Variants in TRAPPC9 observed in about 807,000 individuals in gnomAD.
TRAPPC9 encodes the protein IKK2 binding protein.
TRAPPC9 carries 83 observed loss-of-function variants against 124.0 expected under a neutral mutation model. That is an observed-to-expected ratio of 0.67 (90% CI 0.56 to 0.80). The LOEUF is 0.80. Among genes scored for constraint, TRAPPC9 ranks in the 30% least tolerant of loss-of-function variants. TRAPPC9 has a pLI of 0.00. For synonymous variants in TRAPPC9, 638 were observed against 617.5 expected (o/e 1.03, Z -0.49); for missense variants, 1,302 against 1,508.3 (o/e 0.86, Z 2.27).
At chr8:140,064,412 C>G (rs531266226) in intron 17 of TRAPPC9, among the ~76,000 whole-genome samples, 3 of 152,128 alleles carry the variant, frequency 2.0e-5, no homozygotes, top group African/African-American at 7.2e-5. Context: ...CATTTTAAAA[C>G]GGATGAAATA....
intron 21 of TRAPPC9, among the ~76,000 whole-genome samples, chr8:139,839,122 A>C (rs1245138583): frequency 1.3e-5 from 2 of 152,230 alleles, no homozygotes; most frequent in Non-Finnish European, 2.9e-5. Flanking sequence ...TAACCCTCCC[A>C]GGTCTGACTG....
intron 19 of TRAPPC9, among the ~76,000 whole-genome samples, chr8:139,913,351 G>C (rs1831878181): frequency 6.6e-6 from 1 of 152,220 alleles, no homozygotes; most frequent in Non-Finnish European, 1.5e-5. Flanking sequence ...GCCAAGCTCT[G>C]CTTCATGTTA....
chr8:140,456,503 T>C (rs894266017), intron 1 of TRAPPC9, among the ~76,000 whole-genome samples: 2 of 152,200 alleles, frequency 1.3e-5, no homozygotes, highest in African/African-American at 4.8e-5. Flanking sequence ...AGCTGTTATT[T>C]TTGACACACT....
intron 21 of TRAPPC9, among the ~76,000 whole-genome samples, chr8:139,862,549 T>C (rs1025464209): frequency 6.6e-6 from 1 of 152,224 alleles, no homozygotes; most frequent in Non-Finnish European, 1.5e-5. Flanking sequence ...GGGACGCCTG[T>C]AAGGATCACT....
At chr8:140,347,153 G>T (rs2067373678) in intron 9 of TRAPPC9, among the ~76,000 whole-genome samples, 2 of 152,206 alleles carry the variant, frequency 1.3e-5, no homozygotes, top group Non-Finnish European at 2.9e-5. Context: ...ATTAGAGCGG[G>T]AGGCTGGGAG....
intron 17 of TRAPPC9, among the ~76,000 whole-genome samples, chr8:140,032,385 A>C (rs371078962): frequency 6.6e-6 from 1 of 151,656 alleles, no homozygotes; most frequent in African/African-American, 2.4e-5. Flanking sequence ...GAAACAAGAA[A>C]ATACAAATGT....
At chr8:139,734,647 T>C (rs902161485) in intron 21 of TRAPPC9, among the ~76,000 whole-genome samples, 2 of 152,228 alleles carry the variant, frequency 1.3e-5, no homozygotes, top group African/African-American at 4.8e-5. Context: ...CATTCATTCA[T>C]TCCAAGATTT....
intron 17 of TRAPPC9, among the ~76,000 whole-genome samples, chr8:140,072,695 T>C (rs977285961): frequency 6.9e-6 from 1 of 144,002 alleles, no homozygotes; most frequent in Non-Finnish European, 1.5e-5. Flanking sequence ...ATTCAATGCA[T>C]ATATATATAT....
intron 12 of TRAPPC9, among the ~76,000 whole-genome samples, chr8:140,289,136 G>A (rs976270121): frequency 6.6e-6 from 1 of 151,962 alleles, no homozygotes; most frequent in Non-Finnish European, 1.5e-5. Flanking sequence ...ATACACATGT[G>A]TACATATATG....
intron 19 of TRAPPC9, among the ~76,000 whole-genome samples, chr8:139,928,808 T>C (rs1381065904): frequency 6.6e-6 from 1 of 151,092 alleles, no homozygotes; most frequent in Non-Finnish European, 1.5e-5. Context: ...CACAGGGTCT[T>C]GTCTCACCCT....
intron 10 of TRAPPC9, 44 bp downstream of exon 10, chr8:140,311,204 C>T (rs1226395766): frequency 6.2e-7 from 1 of 1,603,866 alleles, no homozygotes; most frequent in East Asian, 2.2e-5. Context: ...AGGACGGTGT[C>T]CCAGAGGGCA....
At chr8:139,819,141 C>T (rs1411716141) in intron 21 of TRAPPC9, among the ~76,000 whole-genome samples, 1 of 152,176 alleles carries the variant, frequency 6.6e-6, no homozygotes, top group African/African-American at 2.4e-5. Flanking sequence ...TAAATTCTCA[C>T]AGAAGCACAA....
intron 21 of TRAPPC9, among the ~76,000 whole-genome samples, chr8:139,755,861 A>C (rs1586773125): frequency 4.4e-5 from 6 of 135,466 alleles, no homozygotes; most frequent in Admixed American, 1.4e-4. Context: ...GGATGAGGAC[A>C]GCAGGTCGCA....
chr8:140,247,632 G>A (rs549157744), intron 16 of TRAPPC9, among the ~76,000 whole-genome samples: 12 of 151,350 alleles, frequency 7.9e-5, no homozygotes, highest in South Asian at 4.2e-4. Context: ...CATTGTTTCC[G>A]TTTCCTTCTC....
At chr8:140,093,684 A>G (rs933595934) in intron 17 of TRAPPC9, among the ~76,000 whole-genome samples, 17 of 151,272 alleles carry the variant, frequency 1.1e-4, no homozygotes, top group African/African-American at 3.9e-4. Context: ...AAAAAAAAAA[A>G]AGACTTCAGA....
At chr8:139,963,168 A>G (rs886946795) in intron 19 of TRAPPC9, among the ~76,000 whole-genome samples, 2 of 152,200 alleles carry the variant, frequency 1.3e-5, no homozygotes, top group African/African-American at 4.8e-5. Context: ...TTAATTTTTC[A>G]TAGACCTTTG....
At chr8:140,443,396 A>G (rs939076980) in intron 2 of TRAPPC9, among the ~76,000 whole-genome samples, 14 of 151,758 alleles carry the variant, frequency 9.2e-5, no homozygotes, top group Non-Finnish European at 1.9e-4. Flanking sequence ...AGATCGCGCC[A>G]CTGCACTCCA....
chr8:139,932,126 T>C, intron 19 of TRAPPC9: 1 of 359,350 alleles, frequency 2.8e-6, no homozygotes, highest in Non-Finnish European at 5.5e-6. Flanking sequence ...GAGGGCGGGG[T>C]GCTGGCCCAA....
At chr8:140,326,908 T>C (rs2066753123) in intron 9 of TRAPPC9, among the ~76,000 whole-genome samples, 1 of 151,974 alleles carries the variant, frequency 6.6e-6, no homozygotes, top group African/African-American at 2.4e-5. Context: ...TGTATATTAC[T>C]TATTTTCTCT....
Sources: gnomAD v4.1 joint callset for allele counts (sites outside exome capture counted in the v4.1 genomes callset) on GRCh38, gnomAD v4.1.1 for gene constraint, MANE v1.5 for transcripts, NCBI Gene and HGNC (gene_info 2026-07-23, HGNC 2026-07-21) for gene names.